NEK11: variants seen among roughly 807,000 people sequenced by gnomAD.
The protein encoded by NEK11 is serine/threonine-protein kinase Nek11.
In NEK11, 72 loss-of-function variants were observed where a neutral mutation model predicts 80.7. The ratio of observed to expected loss-of-function variants is 0.89; its 90% CI spans 0.74 to 1.08. NEK11 has a LOEUF of 1.08. Among genes scored for constraint, NEK11 ranks in the 50% least tolerant of loss-of-function variants. The pLI is 0.00. For missense variants in NEK11, 764 were observed against 763.6 expected (o/e 1.00, Z -0.01); for synonymous variants, 251 against 260.7 (o/e 0.96, Z 0.36).
At chr3:131,335,789 T>C (rs1387592918) in intron 17 of NEK11, among the ~76,000 whole-genome samples, 1 of 152,216 alleles carries the variant, frequency 6.6e-6, no homozygotes, top group African/African-American at 2.4e-5. Flanking sequence ...AGAAAATCAA[T>C]GTGCAAAAAT....
At chr3:131,227,863 A>G (rs1028101273) in intron 14 of NEK11, among the ~76,000 whole-genome samples, 2 of 152,174 alleles carry the variant, frequency 1.3e-5, no homozygotes, top group African/African-American at 4.8e-5. Flanking sequence ...TGTTGCATCA[A>G]GTAACTTGGG....
intron 3 of NEK11, among the ~76,000 whole-genome samples, chr3:131,066,376 G>A (rs1263023908): frequency 6.6e-6 from 1 of 152,176 alleles, no homozygotes; most frequent in Non-Finnish European, 1.5e-5. Flanking sequence ...AGGGAGGGCA[G>A]GAGGGCACCT....
Position 131,308,280 on chromosome 3 carries a change from G to A in NEK11, c.1718+34706G>A, listed in dbSNP as rs140797373. ...CTTTAGTAAGGGGTTCTGCTGGGTTGGTTTGCCTATTCTTTAGGCAGTAGA... is the reference window on the plus strand; with the variant it reads ...CTTTAGTAAGGGGTTCTGCTGGGTTAGTTTGCCTATTCTTTAGGCAGTAGA... On this transcript the variant is annotated intron_variant, in intron 17 of 17. Coordinates refer to ENST00000383366, the MANE Select transcript of NEK11 (RefSeq NM_024800.5). Among the ~76,000 whole-genome samples the A allele has an allele frequency of 9.2e-5, 14 of 152,280 alleles. No individual in the cohort carries two copies. The East Asian group carries it at 1.9e-3, about 21-fold the overall frequency.
Position 131,046,442 on chromosome 3 carries a change from C to T in NEK11, c.170+16564C>T, listed in dbSNP as rs146203143. On this transcript the variant is annotated intron_variant, in intron 3 of 17. Coordinates refer to ENST00000383366, the MANE Select transcript of NEK11 (RefSeq NM_024800.5). ...GAGGCTAAAGATAGGGTCCCAGTCC[C>T]TTCTAGTAGGGTGTCTGCTGAGAAA... Among the ~76,000 whole-genome samples, 1,389 of 152,252 alleles carry T rather than the reference C, an allele frequency of 9.1e-3. 26 individuals are homozygous for T. Among genetic ancestry groups the T allele is most frequent in the South Asian group, 0.06 (290 of 4,818 alleles).
intron 5 of NEK11, among the ~76,000 whole-genome samples, chr3:131,132,412 G>A (rs1006663835): frequency 8.6e-5 from 13 of 151,886 alleles, no homozygotes; most frequent in Admixed American, 8.5e-4. Flanking sequence ...ATTACAAACT[G>A]GTCTATCAAT....
intron 11 of NEK11, among the ~76,000 whole-genome samples, chr3:131,164,764 G>A (rs1404704030): frequency 6.6e-6 from 1 of 152,124 alleles, no homozygotes; most frequent in Non-Finnish European, 1.5e-5. Context: ...AATCAAGGGG[G>A]ATCATGTGTT....
intron 15 of NEK11, among the ~76,000 whole-genome samples, chr3:131,243,158 A>G (rs758472639): frequency 2.6e-5 from 4 of 152,186 alleles, no homozygotes; most frequent in Non-Finnish European, 5.9e-5. Context: ...AGGAGACAAT[A>G]AAGATCACTC....
chr3:131,212,343 T>G (rs2094654828), intron 14 of NEK11, among the ~76,000 whole-genome samples: 1 of 152,168 alleles, frequency 6.6e-6, no homozygotes, highest in Non-Finnish European at 1.5e-5. Context: ...TGCTGCCTGA[T>G]CCTTCCTCTG....
intron 17 of NEK11, among the ~76,000 whole-genome samples, chr3:131,348,757 G>A (rs1019488525): frequency 5.3e-5 from 8 of 150,960 alleles, no homozygotes; most frequent in South Asian, 2.1e-4. Context: ...AATGAATGTC[G>A]GCCTTGGTGG....
At chr3:131,284,146 A>G (rs1216018060) in intron 17 of NEK11, among the ~76,000 whole-genome samples, 15 of 152,224 alleles carry the variant, frequency 9.9e-5, no homozygotes, top group African/African-American at 2.4e-4. Context: ...GAGGAGGCCC[A>G]TCTCTTATAA....
At chr3:131,314,351 T>C (rs778222957) in intron 17 of NEK11, among the ~76,000 whole-genome samples, 2 of 152,236 alleles carry the variant, frequency 1.3e-5, no homozygotes, top group Non-Finnish European at 2.9e-5. Flanking sequence ...GTAGCTGATT[T>C]AATATCAAAT....
intron 14 of NEK11, among the ~76,000 whole-genome samples, chr3:131,203,453 T>C (rs1396962616): frequency 7.2e-6 from 1 of 138,844 alleles, no homozygotes; most frequent in African/African-American, 2.6e-5. Context: ...GGGGGAGGGA[T>C]AGCATTAGGA....
intron 16 of NEK11, among the ~76,000 whole-genome samples, chr3:131,256,230 A>G (rs776577292): frequency 3.2e-4 from 49 of 152,156 alleles, no homozygotes; most frequent in Admixed American, 5.9e-4. Context: ...ACCACGATGA[A>G]ATGATGAATG....
chr3:131,219,620 A>C (rs1435284839), intron 14 of NEK11, among the ~76,000 whole-genome samples: 1 of 151,856 alleles, frequency 6.6e-6, no homozygotes, highest in East Asian at 1.9e-4. Context: ...TGCACAGAGG[A>C]TGACCTTGTG....
intron 17 of NEK11, among the ~76,000 whole-genome samples, chr3:131,273,842 G>A (rs201086343): frequency 6.6e-6 from 1 of 152,136 alleles, no homozygotes; most frequent in Non-Finnish European, 1.5e-5. Flanking sequence ...TCTCATCCAT[G>A]CTAATGTTTG....
rs114886370 is a variant in NEK11 at position 131,245,973 on chromosome 3, A to G, written c.1621+2477A>G. On this transcript the variant is annotated intron_variant, in intron 16 of 17. Transcript: ENST00000383366. ...GATTTGTTTCTTTTGCTACACAGAA[A>G]CATTTTAGTTTAATTAAGTCCCATT... Among the ~76,000 whole-genome samples the G allele has an allele frequency of 8.8e-3, 1,339 of 152,100 alleles. 14 individuals are homozygous for G. The highest frequency in any genetic ancestry group is 0.029 in the African/African-American group (1,187 of 41,504).
chr3:131,321,917 G>A (rs1281233095), intron 17 of NEK11, among the ~76,000 whole-genome samples: 1 of 152,198 alleles, frequency 6.6e-6, no homozygotes, highest in African/African-American at 2.4e-5. Flanking sequence ...CAGCCACTGT[G>A]GAAAGCAGCT....
rs930110089 is a variant in NEK11 at position 131,138,793 on chromosome 3, A to G, written c.647+4837A>G. On this transcript the variant is annotated intron_variant, in intron 7 of 17. Coordinates refer to ENST00000383366, the MANE Select transcript of NEK11 (RefSeq NM_024800.5). ...CTAAGACCACCAAGGTGGTACCTCT[A>G]CAAGTCTGTAAGAACTACAGTGTTA... is the stretch of plus-strand genomic sequence containing the variant. Among the ~76,000 whole-genome samples the G allele has an allele frequency of 5.3e-5, 8 of 152,318 alleles. No individual in the cohort carries two copies. The South Asian group carries it at 6.2e-4, about 12-fold the overall frequency.
intron 17 of NEK11, among the ~76,000 whole-genome samples, chr3:131,334,485 T>C (rs2097148086): frequency 6.6e-6 from 1 of 150,994 alleles, no homozygotes; most frequent in African/African-American, 2.4e-5. Context: ...GAGGGAAATT[T>C]ATAGCACTAA....
Sources: gnomAD v4.1 joint callset for allele counts (sites outside exome capture counted in the v4.1 genomes callset) on GRCh38, gnomAD v4.1.1 for gene constraint, MANE v1.5 for transcripts, NCBI Gene and HGNC (gene_info 2026-07-23, HGNC 2026-07-21) for gene names.